GXYLT2: variants seen among roughly 807,000 people sequenced by gnomAD.
The protein encoded by GXYLT2 is glucoside xylosyltransferase 2.
GXYLT2 carries 53 observed loss-of-function variants against 45.8 expected under a neutral mutation model. That is an observed-to-expected ratio of 1.16 (90% CI 0.93 to 1.46). The LOEUF is 1.46. Among genes scored for constraint, GXYLT2 ranks in the 40% most tolerant of loss-of-function variants. GXYLT2 has a pLI of 0.00. For missense variants in GXYLT2, 551 were observed against 544.4 expected (o/e 1.01, Z -0.12); for synonymous variants, 219 against 214.2 (o/e 1.02, Z -0.19).
intron 3 of GXYLT2, among the ~76,000 whole-genome samples, chr3:72,933,628 G>C (rs1710118671): frequency 6.6e-6 from 1 of 151,982 alleles, no homozygotes; most frequent in African/African-American, 2.4e-5. Flanking sequence ...GGATGTTGGG[G>C]CTGGACACAG....
intron 3 of GXYLT2, among the ~76,000 whole-genome samples, chr3:72,933,891 G>A (rs553074536): frequency 7.2e-5 from 11 of 152,028 alleles, no homozygotes; most frequent in East Asian, 5.8e-4. Flanking sequence ...GCAACAGAGT[G>A]AGATCCTGTC....
chr3:72,904,144 A>G (rs1057433276), intron 1 of GXYLT2, among the ~76,000 whole-genome samples: 13 of 152,324 alleles, frequency 8.5e-5, no homozygotes, highest in African/African-American at 3.1e-4. Flanking sequence ...TAAAAATAAG[A>G]ACGTTATTAA....
At chr3:72,937,049 A>G (rs1207224175) in intron 3 of GXYLT2, among the ~76,000 whole-genome samples, 1 of 152,112 alleles carries the variant, frequency 6.6e-6, no homozygotes. Flanking sequence ...TAGAGGAAGG[A>G]CCATTTTTAC....
At chr3:72,969,043 C>A (rs780563371) in intron 6 of GXYLT2, among the ~76,000 whole-genome samples, 1 of 151,686 alleles carries the variant, frequency 6.6e-6, no homozygotes, top group Non-Finnish European at 1.5e-5. Flanking sequence ...TGCACTCCAG[C>A]CTGGGTGACA....
At chr3:72,935,452 A>G (rs887706729) in intron 3 of GXYLT2, among the ~76,000 whole-genome samples, 2 of 152,252 alleles carry the variant, frequency 1.3e-5, no homozygotes, top group Non-Finnish European at 1.5e-5. Flanking sequence ...CGTGAAATTA[A>G]TTCAAGAAAA....
intron 6 of GXYLT2, 112 bp from the exon 7 acceptor site, chr3:72,974,865 A>G: frequency 1.3e-6 from 1 of 797,152 alleles, no homozygotes; most frequent in East Asian, 2.5e-5. Context: ...CACTTGTCCA[A>G]ACCTGTGCCT....
At chr3:72,932,167 C>T (rs1168483076) in intron 3 of GXYLT2, among the ~76,000 whole-genome samples, 1 of 151,910 alleles carries the variant, frequency 6.6e-6, no homozygotes, top group Non-Finnish European at 1.5e-5. Context: ...ATTCTCTTGC[C>T]TCAGCCTCCC....
intron 3 of GXYLT2, among the ~76,000 whole-genome samples, chr3:72,944,742 G>C (rs1252823730): frequency 2.6e-5 from 4 of 151,936 alleles, no homozygotes; most frequent in African/African-American, 9.7e-5. Flanking sequence ...ACTTCTGCTT[G>C]AATCTGAATG....
chr3:72,919,831 T>C (rs1250714976), intron 2 of GXYLT2, among the ~76,000 whole-genome samples: 1 of 152,214 alleles, frequency 6.6e-6, no homozygotes, highest in African/African-American at 2.4e-5. Context: ...TTTACGGTAG[T>C]GACACTGTTC....
intron 6 of GXYLT2, among the ~76,000 whole-genome samples, chr3:72,968,269 T>C (rs1025929431): frequency 3.3e-5 from 5 of 152,126 alleles, no homozygotes; most frequent in Admixed American, 2.0e-4. Flanking sequence ...CCACCTACTT[T>C]AGGAGGAAAT....
chr3:72,948,695 G>C (rs970655460), intron 3 of GXYLT2, among the ~76,000 whole-genome samples: 1 of 151,994 alleles, frequency 6.6e-6, no homozygotes, highest in African/African-American at 2.4e-5. Context: ...AAATTAGCTG[G>C]GCGTGGTGGT....
chr3:72,909,824 TG>T (rs1268069322), intron 2 of GXYLT2, among the ~76,000 whole-genome samples: 3 of 152,198 alleles, frequency 2.0e-5, no homozygotes, highest in Non-Finnish European at 4.4e-5. Context: ...GTTTGCTTTG[TG>T]TCTACCAACT....
intron 6 of GXYLT2, among the ~76,000 whole-genome samples, chr3:72,973,224 G>T (rs1711029658): frequency 6.6e-6 from 1 of 152,220 alleles, no homozygotes; most frequent in Non-Finnish European, 1.5e-5. Flanking sequence ...AGGGGCACCA[G>T]GGAGGCTGCT....
intron 3 of GXYLT2, among the ~76,000 whole-genome samples, chr3:72,948,626 C>T (rs1016058247): frequency 6.6e-6 from 1 of 152,086 alleles, no homozygotes; most frequent in African/African-American, 2.4e-5. Context: ...ATCACGAGGT[C>T]ATGAGATCGA....
In GXYLT2 at chr3:72,955,081, A is replaced by T. The variant is rs767237202; in HGVS notation, c.601-17A>T. On this transcript the variant is annotated splice_polypyrimidine_tract_variant and intron_variant, in intron 3 of 6. Coordinates refer to ENST00000389617, the MANE Select transcript of GXYLT2 (RefSeq NM_001080393.2). ...CTTCCCTCCTCTCCCCTTTACACCCACTCCTTACACACAAAGGTGATTTTA... is the reference window on the plus strand; with the variant it reads ...CTTCCCTCCTCTCCCCTTTACACCCTCTCCTTACACACAAAGGTGATTTTA... The T allele has an allele frequency of 2.5e-5, 40 of 1,610,988 alleles. No individual in the cohort carries two copies.
rs71124002 is a variant in GXYLT2, at chr3:72,901,554, CTTTTTTTTTTTT to C, written c.276-6800_276-6789del. On this transcript the variant is annotated intron_variant, in intron 1 of 6. Coordinates refer to ENST00000389617, the MANE Select transcript of GXYLT2 (RefSeq NM_001080393.2). ...ACCATAGAATTTCAGAACATTTTCG[CTTTTTTTTTTTT>C]TTTTTTTTTTTTGAGACAGAGTCTC... 7.8e-5 allele frequency among the ~76,000 whole-genome samples: 6 copies of C among 77,192 alleles called. No individual in the cohort carries two copies. The South Asian group carries it at 2.2e-3, about 29-fold the overall frequency. The allele number at this position is 77,192 out of a possible 152,430, so 50.6% of individuals were successfully genotyped here.
Position 72,912,011 on chromosome 3 carries a change from A to ATTTTT in GXYLT2, c.468+3453_468+3454insTTTTT, listed in dbSNP as rs1235800748. On this transcript the variant is annotated intron_variant, in intron 2 of 6. Coordinates refer to ENST00000389617, the MANE Select transcript of GXYLT2 (RefSeq NM_001080393.2). ...TGTGTGTGTATATATATATATATAT[A>ATTTTT]TATTTTTTTTTTTTTTTGAGACAGC... is the stretch of plus-strand genomic sequence containing the variant. Among the ~76,000 whole-genome samples, 475 of 115,468 alleles carry ATTTTT rather than the reference A, an allele frequency of 4.1e-3. 7 individuals carry two copies. The highest frequency in any genetic ancestry group is 0.02 in the African/African-American group (453 of 22,604). The allele number at this position is 115,468 out of a possible 152,430, so 75.8% of individuals were successfully genotyped here.
chr3:72,955,638 A>G (rs1425475587), intron 4 of GXYLT2, among the ~76,000 whole-genome samples: 1 of 152,262 alleles, frequency 6.6e-6, no homozygotes. Flanking sequence ...TTCAAAGACT[A>G]TGTAAAATTT....
At chr3:72,961,241 C>G (rs1474639891) in intron 5 of GXYLT2, among the ~76,000 whole-genome samples, 1 of 152,044 alleles carries the variant, frequency 6.6e-6, no homozygotes, top group African/African-American at 2.4e-5. Context: ...GAGCAGAGTT[C>G]TATAGAAGGG....
Sources: gnomAD v4.1 joint callset for allele counts (sites outside exome capture counted in the v4.1 genomes callset) on GRCh38, gnomAD v4.1.1 for gene constraint, MANE v1.5 for transcripts, NCBI Gene and HGNC (gene_info 2026-07-23, HGNC 2026-07-21) for gene names.